The following RAVER2 variants were observed in gnomAD, a reference collection of about 807,000 sequenced individuals.
RAVER2 encodes the protein ribonucleoprotein PTB-binding 2.
Under a neutral mutation model 78.1 loss-of-function variants are expected in RAVER2, and 46 were observed. The ratio of observed to expected loss-of-function variants is 0.59; its 90% confidence interval spans 0.46 to 0.75. RAVER2 has a LOEUF of 0.75. RAVER2 is among the 30% of genes least tolerant of loss of function. The pLI, the probability that RAVER2 is intolerant of heterozygous loss-of-function variation, is 0.00. For missense variants in RAVER2, 793 were observed against 837.5 expected (o/e 0.95, Z 0.66); for synonymous variants, 311 against 313.3 (o/e 0.99, Z 0.08).
chr1:64,759,167 T>TTTA (rs1651939920), intron 1 of RAVER2, among the ~76,000 whole-genome samples: 1 of 151,616 alleles, frequency 6.6e-6, no homozygotes. Flanking sequence ...TATTTTCAGG[T>TTTA]GTAAGTATAT....
chr1:64,771,256 A>G (rs751848114), intron 2 of RAVER2, among the ~76,000 whole-genome samples: 1 of 152,074 alleles, frequency 6.6e-6, no homozygotes, highest in Non-Finnish European at 1.5e-5. Flanking sequence ...GTAGGGTAAC[A>G]TCTTTTCATT....
intron 4 of RAVER2, 28 bp from the exon 5 acceptor site, chr1:64,789,360 A>G (rs777124219): frequency 2.6e-6 from 4 of 1,560,206 alleles, no homozygotes; most frequent in East Asian, 2.3e-5. Flanking sequence ...TGCTGTTCTA[A>G]TGTTTCTTAT....
chr1:64,755,721 A>G (rs1413029910), intron 1 of RAVER2, among the ~76,000 whole-genome samples: 1 of 111,614 alleles, frequency 9.0e-6, no homozygotes, highest in Non-Finnish European at 1.7e-5. Flanking sequence ...TTTATGCTTC[A>G]TAGTTTTTTT....
intron 5 of RAVER2, among the ~76,000 whole-genome samples, chr1:64,792,351 A>G (rs1304036604): frequency 6.6e-6 from 1 of 152,132 alleles, no homozygotes; most frequent in Non-Finnish European, 1.5e-5. Context: ...ATGCAGTGGG[A>G]TTTCCTTCCT....
At chr1:64,758,138 G>A (rs927850513) in intron 1 of RAVER2, among the ~76,000 whole-genome samples, 6 of 152,066 alleles carry the variant, frequency 3.9e-5, no homozygotes, top group African/African-American at 1.4e-4. Context: ...CCATGTTTGA[G>A]CTTTGAAACC....
chr1:64,824,311 GAAC>G (rs1653956940), intron 11 of RAVER2, among the ~76,000 whole-genome samples: 1 of 152,164 alleles, frequency 6.6e-6, no homozygotes. Flanking sequence ...AAAGAAAAAT[GAAC>G]AAAAGACCTG....
intron 1 of RAVER2, among the ~76,000 whole-genome samples, chr1:64,756,005 C>A (rs776424210): frequency 9.2e-5 from 14 of 152,080 alleles, no homozygotes; most frequent in Non-Finnish European, 1.8e-4. Context: ...ACTACTGCCT[C>A]CCAGTCCTCA....
chr1:64,795,468 G>A (rs1164705343), intron 5 of RAVER2, among the ~76,000 whole-genome samples: 1 of 151,902 alleles, frequency 6.6e-6, no homozygotes, highest in African/African-American at 2.4e-5. Context: ...ATTATTTTGA[G>A]GTCATATTTA....
At chr1:64,763,935 C>CACACACACACACACACACACA (rs2100817451) in intron 1 of RAVER2, among the ~76,000 whole-genome samples, 1 of 150,144 alleles carries the variant, frequency 6.7e-6, no homozygotes, top group African/African-American at 2.4e-5. Flanking sequence ...CACACACACA[C>CACACACACACACACACACACA]ACACACACAC....
At chr1:64,774,076 T>C (rs1214602341) in intron 2 of RAVER2, among the ~76,000 whole-genome samples, 1 of 152,226 alleles carries the variant, frequency 6.6e-6, no homozygotes, top group African/African-American at 2.4e-5. Context: ...TCTGGATATA[T>C]TAGCCCTTTG....
At chr1:64,785,747 C>T (rs1652763405) in intron 4 of RAVER2, among the ~76,000 whole-genome samples, 1 of 152,122 alleles carries the variant, frequency 6.6e-6, no homozygotes, top group Admixed American at 6.5e-5. Context: ...CATCTGCTTC[C>T]TCCTTCCTAC....
At chr1:64,820,659 C>T (rs780433171) in intron 11 of RAVER2, among the ~76,000 whole-genome samples, 3 of 152,128 alleles carry the variant, frequency 2.0e-5, no homozygotes, top group South Asian at 2.1e-4. Context: ...TGAGAACACG[C>T]GGTATTTGGT....
chr1:64,766,571 C>T (rs778016641), intron 1 of RAVER2, among the ~76,000 whole-genome samples: 1 of 152,148 alleles, frequency 6.6e-6, no homozygotes, highest in Non-Finnish European at 1.5e-5. Context: ...GTGTTTTCAA[C>T]ATAACATTTC....
intron 4 of RAVER2, among the ~76,000 whole-genome samples, chr1:64,788,238 C>G (rs916529092): frequency 1.3e-5 from 2 of 151,996 alleles, no homozygotes; most frequent in African/African-American, 4.8e-5. Flanking sequence ...TTTGGGAGGC[C>G]GAGGTGGGTG....
chr1:64,817,201 GA>G (rs1557605582), intron 11 of RAVER2, among the ~76,000 whole-genome samples: 1 of 152,156 alleles, frequency 6.6e-6, no homozygotes, highest in Non-Finnish European at 1.5e-5. Flanking sequence ...AAACCACAAT[GA>G]GATACCATCT....
intron 7 of RAVER2, 44 bp from the exon 8 acceptor site, chr1:64,804,947 A>G: frequency 6.4e-7 from 1 of 1,574,536 alleles, no homozygotes; most frequent in Non-Finnish European, 8.7e-7. Context: ...TTTTTAGGTT[A>G]TATCTTATGG....
intron 11 of RAVER2, among the ~76,000 whole-genome samples, chr1:64,829,577 C>T (rs368524195): frequency 5.3e-5 from 8 of 152,292 alleles, no homozygotes; most frequent in African/African-American, 1.9e-4. Context: ...TTTGGTGCAG[C>T]AGCCCTTCTC....
chr1:64,762,269 A>C (rs1490558126), intron 1 of RAVER2, among the ~76,000 whole-genome samples: 1 of 152,238 alleles, frequency 6.6e-6, no homozygotes, highest in East Asian at 1.9e-4. Context: ...AGAATTTAAG[A>C]AGACCTAAAT....
chr1:64,745,674 C>T lies in RAVER2; in HGVS notation c.249+253C>T, dbSNP rs1651509682. 6.6e-6 allele frequency among the ~76,000 whole-genome samples: 1 copy of T among 152,062 alleles called. No homozygotes were observed. Among genetic ancestry groups the T allele is most frequent in the Non-Finnish European group, 1.5e-5 (1 of 68,006 alleles). ...TCTCCAAGGTCACGGGAATCAGGGGCTGCTGCCTCCAAGTTCGGCCCGGTC... is the reference window on the plus strand; with the variant it reads ...TCTCCAAGGTCACGGGAATCAGGGGTTGCTGCCTCCAAGTTCGGCCCGGTC... On this transcript the variant is annotated intron_variant, in intron 1 of 11. Transcript: ENST00000294428. The surrounding 1 kb of genome is among the most constrained non-coding windows in gnomAD (Gnocchi z 4.3).
Sources: allele counts gnomAD v4.1 joint callset (sites outside exome capture counted in the v4.1 genomes callset), GRCh38; gene constraint gnomAD v4.1.1; non-coding constraint Gnocchi (gnomAD v3.1); transcripts MANE v1.5; gene names NCBI Gene and HGNC (gene_info 2026-07-23, HGNC 2026-07-21).